Variants in XKR9 observed in about 807,000 individuals in gnomAD.
XKR9 encodes XK-related protein 9.
XKR9 carries 32 observed loss-of-function variants against 32.0 expected under a neutral mutation model. That is an observed-to-expected ratio of 1.00 (90% CI 0.76 to 1.34). XKR9 has a LOEUF of 1.34. XKR9 is among the 40% of genes most tolerant of loss of function. XKR9 has a pLI of 0.00. For synonymous variants in XKR9, 168 were observed against 143.4 expected (o/e 1.17, Z -1.22); for missense variants, 546 against 429.7 (o/e 1.27, Z -2.39).
the XKR9 span, among the ~76,000 whole-genome samples, chr8:70,926,531 A>C: frequency 6.6e-6 from 1 of 152,228 alleles, no homozygotes; most frequent in Admixed American, 6.5e-5. Flanking sequence ...CTATAAAAGG[A>C]TAATAATTTT....
intron 3 of XKR9, among the ~76,000 whole-genome samples, chr8:70,696,216 G>A (rs1056995007): frequency 5.4e-4 from 82 of 152,210 alleles, no homozygotes; most frequent in African/African-American, 1.8e-3. Context: ...TCTGGCTTTC[G>A]TTGCCATTGC....
chr8:70,841,886 C>T, the XKR9 span, among the ~76,000 whole-genome samples: 6 of 152,102 alleles, frequency 3.9e-5, no homozygotes, highest in South Asian at 4.2e-4. Flanking sequence ...GCTTTTTAAT[C>T]CTCTGTAATT....
the XKR9 span, among the ~76,000 whole-genome samples, chr8:71,049,813 C>T: frequency 6.6e-6 from 1 of 151,862 alleles, no homozygotes; most frequent in Non-Finnish European, 1.5e-5. Flanking sequence ...GGAGGGCCTC[C>T]CAGGCAAGAG....
chr8:70,879,010 A>G, the XKR9 span, among the ~76,000 whole-genome samples: 3 of 152,174 alleles, frequency 2.0e-5, no homozygotes, highest in Non-Finnish European at 4.4e-5. Context: ...CTCACTCAAA[A>G]CCGCATAACT....
chr8:70,887,908 C>T, the XKR9 span, among the ~76,000 whole-genome samples: 15 of 151,984 alleles, frequency 9.9e-5, no homozygotes, highest in Admixed American at 8.5e-4. Flanking sequence ...ATTTGAATAC[C>T]CTTTATTTCT....
intron 3 of XKR9, among the ~76,000 whole-genome samples, chr8:70,698,347 C>G (rs903976881): frequency 6.6e-5 from 10 of 152,142 alleles, no homozygotes; most frequent in Non-Finnish European, 1.2e-4. Flanking sequence ...CCTCTACACA[C>G]TGCTTTGAAT....
In XKR9 at chr8:70,699,677, C is replaced by T. The variant is rs533232929; in HGVS notation, c.273-7256C>T. Among the ~76,000 whole-genome samples, 402 of 152,198 alleles carry T rather than the reference C, an allele frequency of 2.6e-3. 1 individual carries two copies. Among genetic ancestry groups the T allele is most frequent in the Non-Finnish European group, 4.7e-3 (318 of 68,010 alleles). ...TTACGTGTCTTGGAGTTGCTCTTCT[C>T]GAGGAGTATCTTTGTGGTGTTCTCT... is the stretch of plus-strand genomic sequence containing the variant. On this transcript the variant is annotated intron_variant, in intron 3 of 4. Coordinates refer to ENST00000408926, the MANE Select transcript of XKR9 (RefSeq NM_001011720.2).
At chr8:70,938,874 C>G in the XKR9 span, among the ~76,000 whole-genome samples, 11 of 151,862 alleles carry the variant, frequency 7.2e-5, no homozygotes, top group African/African-American at 2.7e-4. Flanking sequence ...ATAGATCAAC[C>G]ATTCAGCTTC....
At chr8:70,932,645 G>C in the XKR9 span, among the ~76,000 whole-genome samples, 32 of 152,292 alleles carry the variant, frequency 2.1e-4, no homozygotes, top group East Asian at 6.2e-3. Context: ...GTGCCAGTAG[G>C]ACTGGTTTCT....
intron 2 of XKR9, among the ~76,000 whole-genome samples, chr8:70,745,310 C>G (rs1807043961): frequency 6.6e-6 from 1 of 152,114 alleles, no homozygotes; most frequent in Non-Finnish European, 1.5e-5. Flanking sequence ...ATTTCCGCAA[C>G]TAAATTTTGG....
the XKR9 span, among the ~76,000 whole-genome samples, chr8:70,866,076 T>C: frequency 1.3e-5 from 2 of 152,258 alleles, no homozygotes; most frequent in Non-Finnish European, 2.9e-5. Context: ...GCCCCCTTCA[T>C]AATAATAATT....
the XKR9 span, among the ~76,000 whole-genome samples, chr8:70,946,008 G>T: frequency 5.8e-4 from 88 of 152,192 alleles, no homozygotes; most frequent in African/African-American, 2.1e-3. Flanking sequence ...GGTGGTGCGC[G>T]CCTGTAGTCC....
At chr8:71,017,971 C>A in the XKR9 span, among the ~76,000 whole-genome samples, 1 of 152,148 alleles carries the variant, frequency 6.6e-6, no homozygotes, top group African/African-American at 2.4e-5. Flanking sequence ...TTTGAGAATT[C>A]AGAAGTTGGT....
At chr8:70,714,588 A>G (rs1320099249) in intron 4 of XKR9, among the ~76,000 whole-genome samples, 1 of 152,140 alleles carries the variant, frequency 6.6e-6, no homozygotes, top group Non-Finnish European at 1.5e-5. Flanking sequence ...ATCATAACTT[A>G]TTGATAAAAT....
the XKR9 span, among the ~76,000 whole-genome samples, chr8:70,931,210 C>T: frequency 2.0e-5 from 3 of 151,438 alleles, no homozygotes; most frequent in South Asian, 6.3e-4. Flanking sequence ...AAACTATAAT[C>T]TACAATGCTC....
At chr8:70,946,254 A>G in the XKR9 span, among the ~76,000 whole-genome samples, 2 of 152,166 alleles carry the variant, frequency 1.3e-5, no homozygotes, top group Admixed American at 6.5e-5. Flanking sequence ...CACTATAGAT[A>G]TGTGCCTAGA....
At chr8:71,018,268 A>G in the XKR9 span, among the ~76,000 whole-genome samples, 1 of 152,184 alleles carries the variant, frequency 6.6e-6, no homozygotes, top group Admixed American at 6.5e-5. Flanking sequence ...AGGCATACAG[A>G]TAATCTTTTT....
the XKR9 span, among the ~76,000 whole-genome samples, chr8:71,061,614 G>A: frequency 1.3e-5 from 2 of 152,208 alleles, no homozygotes; most frequent in African/African-American, 4.8e-5. Flanking sequence ...ATGCTAAAGA[G>A]AAAGGGTGTT....
the XKR9 span, among the ~76,000 whole-genome samples, chr8:70,813,321 A>T: frequency 1.3e-5 from 2 of 152,220 alleles, no homozygotes; most frequent in African/African-American, 4.8e-5. Context: ...TACATGTTAG[A>T]CCTAAAACCA....
Sources: allele counts gnomAD v4.1 joint callset (sites outside exome capture counted in the v4.1 genomes callset), GRCh38; gene constraint gnomAD v4.1.1; transcripts MANE v1.5; gene names NCBI Gene and HGNC (gene_info 2026-07-23, HGNC 2026-07-21).